GPC6: variants seen among roughly 807,000 people sequenced by gnomAD.
GPC6 encodes the protein glypican 6, also known as glypican-6.
Under a neutral mutation model 55.2 loss-of-function variants are expected in GPC6, and 14 were observed. That is an observed-to-expected ratio of 0.25 (90% CI 0.17 to 0.40). GPC6 has a LOEUF of 0.40. GPC6 is among the 10% of genes least tolerant of loss of function. The pLI, the probability that GPC6 is intolerant of heterozygous loss-of-function variation, is 1.00. For missense variants in GPC6, 641 were observed against 708.5 expected (o/e 0.90, Z 1.08); for synonymous variants, 278 against 259.6 (o/e 1.07, Z -0.68).
At chr13:93,848,583 A>G (rs1023214031) in intron 3 of GPC6, among the ~76,000 whole-genome samples, 1 of 151,986 alleles carries the variant, frequency 6.6e-6, no homozygotes, top group Non-Finnish European at 1.5e-5. Flanking sequence ...TTACTTATCA[A>G]TTACTTTTTA....
At chr13:93,934,802 T>C (rs1250252317) in intron 3 of GPC6, among the ~76,000 whole-genome samples, 2 of 148,096 alleles carry the variant, frequency 1.4e-5, no homozygotes, top group South Asian at 2.2e-4. Flanking sequence ...CTTTGTGAAT[T>C]TCCATCATCT....
intron 4 of GPC6, among the ~76,000 whole-genome samples, chr13:94,163,646 C>A (rs1417035299): frequency 1.3e-5 from 2 of 152,052 alleles, no homozygotes; most frequent in African/African-American, 2.4e-5. Context: ...AAGTTATATT[C>A]CAATCAAGCA....
At chr13:93,308,099 A>G (rs1878935882) in intron 1 of GPC6, among the ~76,000 whole-genome samples, 1 of 152,098 alleles carries the variant, frequency 6.6e-6, no homozygotes, top group Non-Finnish European at 1.5e-5. Context: ...CCTGGCTAAC[A>G]TGGTGAAACC....
chr13:94,160,553 A>C (rs1351646694), intron 4 of GPC6, among the ~76,000 whole-genome samples: 1 of 152,244 alleles, frequency 6.6e-6, no homozygotes, highest in Non-Finnish European at 1.5e-5. Flanking sequence ...CATGCACTGC[A>C]TGGGTTGCAG....
chr13:93,962,103 G>A (rs1334265486), intron 3 of GPC6, among the ~76,000 whole-genome samples: 3 of 152,080 alleles, frequency 2.0e-5, no homozygotes, highest in East Asian at 1.9e-4. Flanking sequence ...AAGATCACAC[G>A]GCTGGTGAGT....
At chr13:93,760,278 C>A (rs1458058445) in intron 2 of GPC6, among the ~76,000 whole-genome samples, 1 of 152,166 alleles carries the variant, frequency 6.6e-6, no homozygotes, top group Non-Finnish European at 1.5e-5. Context: ...TCTTGACCAC[C>A]ATGTTAAGCC....
chr13:93,813,817 C>T (rs1886769970), intron 2 of GPC6, among the ~76,000 whole-genome samples: 1 of 150,802 alleles, frequency 6.6e-6, no homozygotes, highest in South Asian at 2.1e-4. Context: ...AAAAAATGAG[C>T]AAAACTTTTA....
At chr13:94,112,756 C>G (rs926032454) in intron 4 of GPC6, among the ~76,000 whole-genome samples, 18 of 152,136 alleles carry the variant, frequency 1.2e-4, no homozygotes, top group African/African-American at 4.1e-4. Context: ...AGCTGACACT[C>G]TTCTTATTAA....
intron 1 of GPC6, among the ~76,000 whole-genome samples, chr13:93,454,124 G>C (rs1420957963): frequency 1.3e-5 from 2 of 149,784 alleles, no homozygotes; most frequent in Admixed American, 6.6e-5. Flanking sequence ...TACAGAGTGT[G>C]GATTGGTGCA....
At chr13:94,041,129 G>T (rs567774875) in intron 4 of GPC6, among the ~76,000 whole-genome samples, 67 of 151,958 alleles carry the variant, frequency 4.4e-4, no homozygotes, top group Non-Finnish European at 8.4e-4. Flanking sequence ...TGTAAGAAAA[G>T]TTTAATTTAG....
intron 6 of GPC6, among the ~76,000 whole-genome samples, chr13:94,320,741 C>T (rs9524432): frequency 0.017 from 2,598 of 152,230 alleles, 38 homozygotes; most frequent in East Asian, 0.066. Context: ...TCTGGGTCCC[C>T]ATTTTCACTT....
At chr13:93,660,164 A>G (rs1158453400) in intron 2 of GPC6, among the ~76,000 whole-genome samples, 3 of 152,126 alleles carry the variant, frequency 2.0e-5, no homozygotes, top group African/African-American at 7.2e-5. Flanking sequence ...AAAAAAAACT[A>G]TGCCATTTAA....
intron 1 of GPC6, among the ~76,000 whole-genome samples, chr13:93,497,264 C>G (rs1425040674): frequency 6.6e-6 from 1 of 152,202 alleles, no homozygotes; most frequent in African/African-American, 2.4e-5. Flanking sequence ...CATGTGAAAG[C>G]TAAAGTAACA....
chr13:93,465,690 T>C (rs186486284), intron 1 of GPC6, among the ~76,000 whole-genome samples: 1 of 152,322 alleles, frequency 6.6e-6, no homozygotes, highest in Admixed American at 6.5e-5. Context: ...AGTTTGTTAT[T>C]ATTCGTGTGT....
At chr13:94,313,085 A>G (rs747259542) in intron 6 of GPC6, among the ~76,000 whole-genome samples, 38 of 152,126 alleles carry the variant, frequency 2.5e-4, no homozygotes, top group Non-Finnish European at 2.8e-4. Context: ...GGGAGAAAAT[A>G]AAAAAACGTT....
rs540774943 is a variant in GPC6, at chr13:93,963,174, A to G, written c.712-64555A>G. 3.3e-5 allele frequency among the ~76,000 whole-genome samples: 5 copies of G among 152,196 alleles called. No homozygotes were observed. The East Asian group carries it at 9.6e-4, about 29-fold the overall frequency. On this transcript the variant is annotated intron_variant, in intron 3 of 8. Coordinates refer to ENST00000377047, the MANE Select transcript of GPC6 (RefSeq NM_005708.5). ...ATCCTCTAGATTTTCCAAGATCACT[A>G]TGAGTATTATTAAGTAAACAAAATC...
At chr13:93,613,292 TA>T (rs1878564274) in intron 2 of GPC6, among the ~76,000 whole-genome samples, 1 of 152,154 alleles carries the variant, frequency 6.6e-6, no homozygotes, top group Non-Finnish European at 1.5e-5. Context: ...AATAAATTCT[TA>T]ATTTATACCT....
chr13:94,219,760 G>T (rs1295616802), intron 4 of GPC6, among the ~76,000 whole-genome samples: 1 of 152,094 alleles, frequency 6.6e-6, no homozygotes, highest in African/African-American at 2.4e-5. Flanking sequence ...GCAAGAGAAA[G>T]GAATGATGGC....
At chr13:93,428,926 A>G (rs144863963) in intron 1 of GPC6, among the ~76,000 whole-genome samples, 4 of 152,286 alleles carry the variant, frequency 2.6e-5, no homozygotes, top group Admixed American at 2.0e-4. Context: ...CTGAGGCCCA[A>G]GAAATCACAC....
Sources: allele counts gnomAD v4.1 joint callset (sites outside exome capture counted in the v4.1 genomes callset), GRCh38; gene constraint gnomAD v4.1.1; transcripts MANE v1.5; gene names NCBI Gene and HGNC (gene_info 2026-07-23, HGNC 2026-07-21).